The following CCDC33 variants were observed in gnomAD, a reference collection of about 807,000 sequenced individuals.
CCDC33 encodes the protein coiled-coil domain-containing protein 33.
CCDC33 carries 94 observed loss-of-function variants against 91.9 expected under a neutral mutation model. That is an observed-to-expected ratio of 1.02 (90% CI 0.87 to 1.21). CCDC33 has a LOEUF of 1.21. Among genes scored for constraint, CCDC33 ranks in the 50% most tolerant of loss-of-function variants. CCDC33 has a pLI of 0.00. For synonymous variants in CCDC33, 396 were observed against 374.5 expected (o/e 1.06, Z -0.66); for missense variants, 940 against 935.5 (o/e 1.00, Z -0.06).
At chr15:74,284,092 A>G (rs1388170602) in intron 10 of CCDC33, among the ~76,000 whole-genome samples, 2 of 152,216 alleles carry the variant, frequency 1.3e-5, no homozygotes, top group Non-Finnish European at 2.9e-5. Context: ...TTGAAGACCA[A>G]TTTAGGAGCC....
At position 74,314,191 on chromosome 15, in the gene CCDC33, G is replaced by A. The variant is rs1043954188; in HGVS notation, c.1291-15998G>A. Among the ~76,000 whole-genome samples the A allele has an allele frequency of 5.3e-5, 8 of 152,294 alleles. No individual in the cohort carries two copies. The South Asian group carries it at 6.2e-4, about 12-fold the overall frequency. ...AGGGGGCTGGCTGGGGGGCTCCCCC[G>A]CTACTGCATTTGCCATACTGATTTA... On this transcript the variant is annotated intron_variant, in intron 11 of 18. Transcript: ENST00000398814.
chr15:74,315,461 A>G (rs1381461173), intron 11 of CCDC33, among the ~76,000 whole-genome samples: 1 of 152,132 alleles, frequency 6.6e-6, no homozygotes, highest in Non-Finnish European at 1.5e-5. Flanking sequence ...TAGCCTCCTC[A>G]TACCTCACTC....
At chr15:74,243,874 G>T in intron 1 of CCDC33, 111 bp from the exon 2 acceptor site, 1 of 1,175,044 alleles carries the variant, frequency 8.5e-7, no homozygotes, top group Non-Finnish European at 1.2e-6. Flanking sequence ...GAACCTGGGA[G>T]GTAGAGGCTG....
chr15:74,203,210 C>T (rs947508101), intron 1 of CCDC33: 1 of 972,676 alleles, frequency 1.0e-6, no homozygotes, highest in African/African-American at 1.8e-5. Flanking sequence ...TTGGTAAACC[C>T]TTTTTGTTCC....
intron 2 of CCDC33, among the ~76,000 whole-genome samples, chr15:74,223,532 A>T (rs2074674580): frequency 6.6e-6 from 1 of 151,952 alleles, no homozygotes; most frequent in South Asian, 2.1e-4. Flanking sequence ...CCTGGAGCGG[A>T]TTGAATATAT....
intron 10 of CCDC33, among the ~76,000 whole-genome samples, chr15:74,289,430 C>A (rs1400118634): frequency 6.6e-6 from 1 of 152,196 alleles, no homozygotes; most frequent in Non-Finnish European, 1.5e-5. Context: ...AATGTCTCAC[C>A]AGGCTGGGCC....
rs2959012 is a variant in CCDC33 at position 74,317,491 on chromosome 15, G to A, written c.1291-12698G>A. 1.6e-3 allele frequency among the ~76,000 whole-genome samples: 246 copies of A among 152,372 alleles called. 8 individuals are homozygous for A. In the East Asian group the frequency reaches 0.04, roughly 25 times the overall value. On this transcript the variant is annotated intron_variant, in intron 11 of 18. Transcript: ENST00000398814. ...CCCCCAACCCTGTGCAGAGTGCTGA[G>A]CTGGGCACCCAGCAGCAGGGGTGGA...
chr15:74,220,802 A>T (rs1341911637), intron 2 of CCDC33, among the ~76,000 whole-genome samples: 1 of 152,144 alleles, frequency 6.6e-6, no homozygotes, highest in Admixed American at 6.5e-5. Flanking sequence ...CATAACCCTG[A>T]CGACAGGGCC....
chr15:74,276,601 A>AG, intron 7 of CCDC33, among the ~76,000 whole-genome samples: 1 of 152,178 alleles, frequency 6.6e-6, no homozygotes, highest in Non-Finnish European at 1.5e-5. Flanking sequence ...TCCCCTGCCT[A>AG]GCCCTTCCCC....
rs80074425 is a variant in CCDC33, at chr15:74,226,972, T to G, written c.675+8111T>G. 4.2e-3 allele frequency among the ~76,000 whole-genome samples: 632 copies of G among 152,254 alleles called. 4 individuals carry two copies. Among genetic ancestry groups the G allele is most frequent in the Non-Finnish European group, 7.5e-3 (512 of 68,008 alleles). On this transcript the variant is annotated intron_variant, in intron 2 of 2. Transcript: ENST00000635913. ...GGAGTTGCAGGGGATGCCAATGGAA[T>G]GCACAGGAGGTGCCATCTCTGAGTA...
chr15:74,205,220 G>A (rs2074233490), intron 1 of CCDC33, among the ~76,000 whole-genome samples: 1 of 152,106 alleles, frequency 6.6e-6, no homozygotes, highest in African/African-American at 2.4e-5. Flanking sequence ...GGTACCAGTT[G>A]GGCACTGTGT....
chr15:74,281,679 C>G (rs995169397), intron 9 of CCDC33, 99 bp from the exon 10 acceptor site: 3 of 1,117,014 alleles, frequency 2.7e-6, no homozygotes, highest in South Asian at 1.4e-5. Flanking sequence ...GGGTGCAGCC[C>G]GCAGGTGACA....
intron 7 of CCDC33, among the ~76,000 whole-genome samples, chr15:74,277,698 T>TGCACATGCACAA (rs2076486290): frequency 6.6e-6 from 1 of 152,204 alleles, no homozygotes; most frequent in South Asian, 2.1e-4. Context: ...CAAGACAGGC[T>TGCACATGCACAA]GACCCTCCCT....
At chr15:74,203,190 A>C (rs2074163900) in intron 1 of CCDC33, 1 of 982,550 alleles carries the variant, frequency 1.0e-6, no homozygotes. Flanking sequence ...AGGAGGCAAC[A>C]TGTGTCTCAT....
chr15:74,333,277 G>T (rs535915434), intron 16 of CCDC33: 4 of 1,601,422 alleles, frequency 2.5e-6, no homozygotes, highest in Middle Eastern at 1.6e-4. Flanking sequence ...TACAAGAGAC[G>T]CATGGCCCAG....
At chr15:74,326,386 T>C (rs1021156919) in intron 11 of CCDC33, among the ~76,000 whole-genome samples, 7 of 152,238 alleles carry the variant, frequency 4.6e-5, no homozygotes, top group African/African-American at 1.7e-4. Flanking sequence ...CCAGGCACCC[T>C]GTGTGCCAGA....
chr15:74,268,992 C>T (rs893416163), intron 5 of CCDC33, among the ~76,000 whole-genome samples: 8 of 152,222 alleles, frequency 5.3e-5, no homozygotes, highest in African/African-American at 1.9e-4. Flanking sequence ...TTCATTTATT[C>T]ATCCAGCAAC....
At chr15:74,234,268 G>A (rs981635777), upstream of CCDC33, among the ~76,000 whole-genome samples, 2 of 152,174 alleles carry the variant, frequency 1.3e-5, no homozygotes, top group African/African-American at 4.8e-5. Context: ...GTAGGGGGTG[G>A]GCACAGTTAT....
intron 2 of CCDC33, chr15:74,221,142 A>G (rs2142150713): frequency 1.1e-6 from 1 of 917,770 alleles, no homozygotes; most frequent in Non-Finnish European, 1.3e-6. Flanking sequence ...CATTTCAACA[A>G]TTGAATCTAT....
Sources: gnomAD v4.1 joint callset for allele counts (sites outside exome capture counted in the v4.1 genomes callset) on GRCh38, gnomAD v4.1.1 for gene constraint, MANE v1.5 for transcripts, NCBI Gene and HGNC (gene_info 2026-07-23, HGNC 2026-07-21) for gene names.